Variants in RCL1 observed in about 807,000 individuals in gnomAD.
RCL1 encodes the protein RNA 3'-terminal phosphate cyclase-like protein.
Under a neutral mutation model 42.4 loss-of-function variants are expected in RCL1, and 24 were observed. The observed-to-expected ratio is 0.57, with a 90% CI of 0.41 to 0.80. RCL1 has a LOEUF of 0.80. Among genes scored for constraint, RCL1 ranks in the 30% least tolerant of loss-of-function variants. The pLI is 0.00. For missense variants in RCL1, 578 were observed against 467.9 expected (o/e 1.24, Z -2.17); for synonymous variants, 228 against 177.3 (o/e 1.29, Z -2.27).
At chr9:4,812,398 G>C (rs1362471981) in intron 1 of RCL1, among the ~76,000 whole-genome samples, 2 of 151,634 alleles carry the variant, frequency 1.3e-5, no homozygotes, top group Non-Finnish European at 2.9e-5. Context: ...TTCTGCATAT[G>C]GCTATAGTTT....
intron 1 of RCL1, among the ~76,000 whole-genome samples, chr9:4,806,633 C>T (rs12351570): frequency 0.09 from 12,640 of 141,002 alleles, 1,103 homozygotes; most frequent in African/African-American, 0.22. Context: ...CACACACACA[C>T]ATATACTTAC....
Position 4,799,723 on chromosome 9 carries a change from G to GA in RCL1, c.136+6502dup, listed in dbSNP as rs373049470. Among the ~76,000 whole-genome samples the GA allele has an allele frequency of 2.0e-3, 306 of 152,118 alleles. 2 individuals are homozygous for GA. Among genetic ancestry groups the GA allele is most frequent in the African/African-American group, 7.0e-3 (292 of 41,530 alleles). On this transcript the variant is annotated intron_variant, in intron 1 of 8. Transcript: ENST00000381750. Reference sequence around the variant, plus strand: ...TATAAATTAAAAAAATTTTTAAAAAGAAAAAACTTGAAGGGCCTTGAATGA... The same window carrying GA: ...TATAAATTAAAAAAATTTTTAAAAAGAAAAAAACTTGAAGGGCCTTGAATGA...
intron 7 of RCL1, among the ~76,000 whole-genome samples, chr9:4,847,155 A>G (rs1199241690): frequency 2.0e-5 from 3 of 152,206 alleles, no homozygotes; most frequent in Non-Finnish European, 4.4e-5. Flanking sequence ...CTGGGATTAC[A>G]GACGTGAGCC....
At chr9:4,812,004 A>T (rs1247118587) in intron 1 of RCL1, among the ~76,000 whole-genome samples, 4 of 152,014 alleles carry the variant, frequency 2.6e-5, no homozygotes, top group Admixed American at 1.3e-4. Context: ...CTTTTGAGGG[A>T]TGTCTATTCA....
chr9:4,843,551 G>C (rs1817406191), intron 6 of RCL1, among the ~76,000 whole-genome samples: 2 of 152,120 alleles, frequency 1.3e-5, no homozygotes, highest in Non-Finnish European at 2.9e-5. Flanking sequence ...AAAAATTAGA[G>C]TAATTTACAT....
In RCL1 at chr9:4,841,309, C is replaced by T. The variant is rs763439736; in HGVS notation, c.662C>T (p.Pro221Leu). The change falls in exon 6 of 9, where the codon CCT becomes CTT. Residue 221 changes from proline (P) to leucine (L), a missense_variant. By Grantham distance (98) the Pro-to-Leu change is moderately conservative. Transcript: ENST00000381750. ...SARSILNKFI[P>L]DIYIYTDHMK... ...AGGAGCATCCTCAACAAGTTCATAC[C>T]TGATATCTATATTTACACAGATCAC... 2 of 1,613,002 alleles carry T rather than the reference C, an allele frequency of 1.2e-6. No individual in the cohort carries two copies. The highest frequency in any genetic ancestry group is 1.1e-5 in the South Asian group (1 of 91,064).
At chr9:4,817,772 C>T (rs1816436464) in intron 1 of RCL1, among the ~76,000 whole-genome samples, 1 of 152,158 alleles carries the variant, frequency 6.6e-6, no homozygotes, top group East Asian at 1.9e-4. Flanking sequence ...GCTGGGATTA[C>T]AGGCGTGAGC....
chr9:4,809,574 C>T (rs1482050441), intron 1 of RCL1, among the ~76,000 whole-genome samples: 1 of 152,182 alleles, frequency 6.6e-6, no homozygotes, highest in East Asian at 1.9e-4. Flanking sequence ...TCCCAGAGTG[C>T]TGGGATTACA....
intron 2 of RCL1, among the ~76,000 whole-genome samples, chr9:4,825,375 T>A (rs138069256): frequency 2.5e-3 from 387 of 152,318 alleles, no homozygotes; most frequent in African/African-American, 8.9e-3. Flanking sequence ...ATTTAGTGAA[T>A]ATATAGTCTT....
chr9:4,834,597 G>A (rs461130), intron 5 of RCL1, among the ~76,000 whole-genome samples: 118,337 of 151,810 alleles, frequency 0.78, 47,668 homozygotes, highest in East Asian at 1. Flanking sequence ...CTCAGAAGAC[G>A]TCATCATTCG....
chr9:4,796,180 C>T (rs949941282), intron 1 of RCL1, among the ~76,000 whole-genome samples: 14 of 152,122 alleles, frequency 9.2e-5, no homozygotes, highest in African/African-American at 3.4e-4. Flanking sequence ...CTGGTGTACC[C>T]ATTATCCAAA....
intron 1 of RCL1, among the ~76,000 whole-genome samples, chr9:4,815,300 T>A (rs1464966275): frequency 6.6e-6 from 1 of 152,216 alleles, no homozygotes; most frequent in Non-Finnish European, 1.5e-5. Context: ...CATTTCATTT[T>A]CATTCTCATT....
At chr9:4,794,025 C>T (rs1842875377) in intron 1 of RCL1, among the ~76,000 whole-genome samples, 1 of 152,166 alleles carries the variant, frequency 6.6e-6, no homozygotes, top group Non-Finnish European at 1.5e-5. Context: ...ACACCTGGCC[C>T]CCTGGCATGA....
intron 8 of RCL1, among the ~76,000 whole-genome samples, chr9:4,850,910 C>T (rs908424406): frequency 1.3e-5 from 2 of 152,116 alleles, no homozygotes; most frequent in African/African-American, 4.8e-5. Flanking sequence ...GGAAGTCCTG[C>T]TTGCACACAC....
intron 3 of RCL1, among the ~76,000 whole-genome samples, chr9:4,830,818 T>C (rs1816918658): frequency 6.6e-6 from 1 of 152,164 alleles, no homozygotes; most frequent in Non-Finnish European, 1.5e-5. Flanking sequence ...CATAGATTGA[T>C]TACATTTTTA....
intron 1 of RCL1, among the ~76,000 whole-genome samples, chr9:4,793,884 G>C (rs1248996785): frequency 1.3e-5 from 2 of 152,228 alleles, no homozygotes; most frequent in Non-Finnish European, 2.9e-5. Context: ...TTAGAAAAGG[G>C]GTCGGTGACA....
chr9:4,820,428 G>T (rs995292036), intron 1 of RCL1, among the ~76,000 whole-genome samples: 1 of 152,168 alleles, frequency 6.6e-6, no homozygotes, highest in African/African-American at 2.4e-5. Context: ...CTGAAGCACC[G>T]GTTTGCCGTG....
intron 5 of RCL1, among the ~76,000 whole-genome samples, chr9:4,838,262 G>A (rs295265): frequency 0.92 from 139,780 of 152,282 alleles, 64,346 homozygotes; most frequent in East Asian, 1. Context: ...TCCCTCTTGC[G>A]TTCTACAAGA....
intron 7 of RCL1, among the ~76,000 whole-genome samples, chr9:4,845,488 G>A (rs933911464): frequency 6.6e-6 from 1 of 152,170 alleles, no homozygotes; most frequent in African/African-American, 2.4e-5. Flanking sequence ...AAATAGGTGA[G>A]GTGACCTAAA....
Sources: allele counts gnomAD v4.1 joint callset (sites outside exome capture counted in the v4.1 genomes callset), GRCh38; gene constraint gnomAD v4.1.1; transcripts MANE v1.5; gene names NCBI Gene and HGNC (gene_info 2026-07-23, HGNC 2026-07-21).